SUGCT: variants seen among roughly 807,000 people sequenced by gnomAD.
SUGCT encodes succinyl-CoA:glutarate CoA-transferase.
SUGCT carries 41 observed loss-of-function variants against 55.0 expected under a neutral mutation model. That is an observed-to-expected ratio of 0.74 (90% CI 0.58 to 0.97). The LOEUF (loss-of-function observed/expected upper bound fraction) is 0.97, where lower values mean the gene tolerates loss of function less well. Ranked by LOEUF, SUGCT falls within the 50% of genes least tolerant of loss-of-function variation. SUGCT has a pLI of 0.00. For synonymous variants in SUGCT, 187 were observed against 200.4 expected (o/e 0.93, Z 0.56); for missense variants, 568 against 547.8 (o/e 1.04, Z -0.37).
chr7:40,370,648 G>A (rs1185834909), intron 9 of SUGCT, among the ~76,000 whole-genome samples: 4 of 151,722 alleles, frequency 2.6e-5, no homozygotes, highest in Admixed American at 1.3e-4. Context: ...GGGGGACAGA[G>A]AGAGAGATGG....
intron 13 of SUGCT, among the ~76,000 whole-genome samples, chr7:40,816,426 TC>T (rs906889299): frequency 2.6e-5 from 4 of 152,138 alleles, no homozygotes; most frequent in African/African-American, 9.7e-5. Flanking sequence ...AACAAAGTGT[TC>T]CCCCTTGGCC....
At chr7:40,311,954 G>A (rs902777790) in intron 8 of SUGCT, among the ~76,000 whole-genome samples, 1 of 152,128 alleles carries the variant, frequency 6.6e-6, no homozygotes, top group Non-Finnish European at 1.5e-5. Context: ...TTTAAAAGGA[G>A]GGATAGAAGA....
intron 12 of SUGCT, among the ~76,000 whole-genome samples, chr7:40,718,784 T>C (rs1786160713): frequency 1.3e-5 from 2 of 152,354 alleles, no homozygotes; most frequent in South Asian, 2.1e-4. Flanking sequence ...TTCCACATAC[T>C]TGTGTCTGAG....
At chr7:40,210,466 G>A (rs530561410) in intron 6 of SUGCT, among the ~76,000 whole-genome samples, 16 of 149,976 alleles carry the variant, frequency 1.1e-4, no homozygotes, top group African/African-American at 3.8e-4. Context: ...ATGTGTGTGT[G>A]TGTATATATA....
chr7:40,862,725 TTTC>T (rs1466157315), downstream of SUGCT, among the ~76,000 whole-genome samples: 2 of 142,944 alleles, frequency 1.4e-5, no homozygotes, highest in Non-Finnish European at 3.1e-5. Flanking sequence ...TGGGCTTCTT[TTTC>T]TTGTTTTTTT....
intron 9 of SUGCT, 85 bp downstream of exon 9, chr7:40,316,940 A>G (rs1584662824): frequency 2.3e-6 from 1 of 427,656 alleles, no homozygotes. Flanking sequence ...CTTTTTATAC[A>G]CAAATCCTTC....
chr7:40,677,247 G>A (rs548104919), intron 12 of SUGCT, among the ~76,000 whole-genome samples: 2 of 152,230 alleles, frequency 1.3e-5, no homozygotes, highest in South Asian at 4.1e-4. Context: ...ATTTTAGGAC[G>A]TGTTCTCTAA....
intron 8 of SUGCT, among the ~76,000 whole-genome samples, chr7:40,313,085 A>G (rs749268304): frequency 2.6e-5 from 4 of 152,138 alleles, no homozygotes; most frequent in Non-Finnish European, 4.4e-5. Context: ...TGACCACCCC[A>G]TTGGTTTTCT....
At chr7:40,591,825 A>G (rs1797736954) in intron 12 of SUGCT, among the ~76,000 whole-genome samples, 1 of 152,202 alleles carries the variant, frequency 6.6e-6, no homozygotes, top group Non-Finnish European at 1.5e-5. Flanking sequence ...TTAAATTAAG[A>G]TGTATTTTTT....
At chr7:40,791,074 AC>A (rs765539233) in intron 13 of SUGCT, among the ~76,000 whole-genome samples, 1 of 152,210 alleles carries the variant, frequency 6.6e-6, no homozygotes, top group East Asian at 1.9e-4. Context: ...CAAAAAGCAA[AC>A]AAAAATCCTT....
the SUGCT span, among the ~76,000 whole-genome samples, chr7:40,873,398 T>G: frequency 6.6e-6 from 1 of 152,214 alleles, no homozygotes; most frequent in Admixed American, 6.5e-5. Flanking sequence ...AGATACGCAA[T>G]GGGAAGGGCA....
chr7:40,293,400 G>C (rs1232239516), intron 8 of SUGCT, among the ~76,000 whole-genome samples: 1 of 152,122 alleles, frequency 6.6e-6, no homozygotes, highest in Non-Finnish European at 1.5e-5. Flanking sequence ...CCCATCCCCA[G>C]AGATTCTAAT....
intron 6 of SUGCT, among the ~76,000 whole-genome samples, chr7:40,230,736 G>T (rs1480886157): frequency 6.6e-6 from 1 of 152,156 alleles, no homozygotes; most frequent in Non-Finnish European, 1.5e-5. Context: ...CTTCTTAGGG[G>T]TTGTCAGCTT....
intron 6 of SUGCT, among the ~76,000 whole-genome samples, chr7:40,221,215 A>G (rs1261408857): frequency 6.6e-6 from 1 of 151,940 alleles, no homozygotes; most frequent in East Asian, 2.0e-4. Flanking sequence ...GGAGTTCAAG[A>G]CCAGCCTGGC....
At chr7:40,533,584 G>T (rs1018394511) in intron 12 of SUGCT, among the ~76,000 whole-genome samples, 1 of 152,012 alleles carries the variant, frequency 6.6e-6, no homozygotes, top group Non-Finnish European at 1.5e-5. Flanking sequence ...TGAAGGCAAA[G>T]AAATTATCTT....
chr7:40,516,204 A>T (rs1178894452), intron 12 of SUGCT, among the ~76,000 whole-genome samples: 3 of 152,084 alleles, frequency 2.0e-5, no homozygotes, highest in Non-Finnish European at 1.5e-5. Flanking sequence ...AAATTTGGTT[A>T]TTTGTCTATT....
chr7:40,927,601 T>C, the SUGCT span, among the ~76,000 whole-genome samples: 2 of 152,194 alleles, frequency 1.3e-5, no homozygotes, highest in East Asian at 1.9e-4. Context: ...TATAGTCATA[T>C]CTAACCTTTT....
rs151014629 is a variant in SUGCT at position 40,551,934 on chromosome 7, C to T, written c.1089+55548C>T. 1.8e-3 allele frequency among the ~76,000 whole-genome samples: 279 copies of T among 152,290 alleles called. 2 individuals are homozygous for T. The highest frequency in any genetic ancestry group is 9.1e-3 in the South Asian group (44 of 4,820). On this transcript the variant is annotated intron_variant, in intron 12 of 13. Coordinates refer to ENST00000335693, the MANE Select transcript of SUGCT (RefSeq NM_001193313.2). ...GCAAGCTGTGAGAGGCTCCCTTCAGCTCAATAACAGAGCCTATCAGACTCA... is the reference window on the plus strand; with the variant it reads ...GCAAGCTGTGAGAGGCTCCCTTCAGTTCAATAACAGAGCCTATCAGACTCA...
At chr7:40,913,161 C>T in the SUGCT span, among the ~76,000 whole-genome samples, 48 of 152,122 alleles carry the variant, frequency 3.2e-4, no homozygotes, top group African/African-American at 1.1e-3. Flanking sequence ...CAGGCGTGTG[C>T]CACCACGCCC....
Sources: gnomAD v4.1 joint callset for allele counts (sites outside exome capture counted in the v4.1 genomes callset) on GRCh38, gnomAD v4.1.1 for gene constraint, MANE v1.5 for transcripts, NCBI Gene and HGNC (gene_info 2026-07-23, HGNC 2026-07-21) for gene names.